The following ADGRL1 variants were observed in gnomAD, a reference collection of about 807,000 sequenced individuals.
ADGRL1 encodes the protein CIRL-1.
A neutral mutation model predicts 148.9 loss-of-function variants in ADGRL1; 31 were observed. That is an observed-to-expected ratio of 0.21 (90% CI 0.16 to 0.28). The LOEUF is 0.28. Ranked by LOEUF, ADGRL1 falls within the 10% of genes least tolerant of loss-of-function variation. The pLI is 1.00. For missense variants in ADGRL1, 1,521 were observed against 2,058.8 expected (o/e 0.74, Z 5.05); for synonymous variants, 937 against 900.3 (o/e 1.04, Z -0.73).
At chr19:14,186,713 T>C (rs1161232857) in intron 1 of ADGRL1, among the ~76,000 whole-genome samples, 10 of 152,144 alleles carry the variant, frequency 6.6e-5, no homozygotes, top group Non-Finnish European at 1.5e-4. Context: ...GGGGTCTCAG[T>C]TCCTCACTAG....
chr19:14,184,641 TA>T (rs1164771002), intron 1 of ADGRL1, among the ~76,000 whole-genome samples: 7,940 of 136,864 alleles, frequency 0.058, 665 homozygotes, highest in African/African-American at 0.15. Context: ...TTTATTTATT[TA>T]TTTATTTTTT....
At chr19:14,153,317 A>G (rs1052340804) in intron 18 of ADGRL1, among the ~76,000 whole-genome samples, 4 of 152,140 alleles carry the variant, frequency 2.6e-5, no homozygotes, top group African/African-American at 9.7e-5. Context: ...AGATGAAAAT[A>G]TAAATATGCA....
At chr19:14,190,814 G>A (rs1257280760) in intron 1 of ADGRL1, among the ~76,000 whole-genome samples, 3 of 152,122 alleles carry the variant, frequency 2.0e-5, no homozygotes, top group Admixed American at 1.3e-4. Context: ...TTGGCCGGGC[G>A]CAGTGGCTCA....
Position 14,162,676 on chromosome 19 carries a change from C to T in ADGRL1, c.1125G>A (p.Gln375=). The change falls in exon 5 of 23, where the codon CAG becomes CAA. Residue 375 remains glutamine (Q), a synonymous_variant. Coordinates refer to ENST00000361434, the MANE Select transcript of ADGRL1 (RefSeq NM_014921.5). The surrounding 1 kb of genome is among the most constrained non-coding windows in gnomAD (Gnocchi z 5.4). ...SSVDYNPRDN[Q]LYVWNNYFVV... ...CGAAATAGTTGTTCCAGACGTACAGCTGGTTGTCGCGAGGGTTGTAGTCAA... is the reference window on the plus strand; with the variant it reads ...CGAAATAGTTGTTCCAGACGTACAGTTGGTTGTCGCGAGGGTTGTAGTCAA... 1 of 1,614,038 alleles carries T rather than the reference C, an allele frequency of 6.2e-7. No individual in the cohort carries two copies. The highest frequency in any genetic ancestry group is 8.5e-7 in the Non-Finnish European group (1 of 1,179,972).
rs1177068721 is a variant in ADGRL1 at position 14,183,613 on chromosome 19, G to A, written c.-11C>T. 12 of 1,566,160 alleles carry A rather than the reference G, an allele frequency of 7.7e-6. No individual in the cohort carries two copies. The highest frequency in any genetic ancestry group is 1.9e-5 in the Admixed American group (1 of 53,264). On this transcript the variant is annotated 5_prime_UTR_variant, in exon 2 of 23. Transcript: ENST00000361434. ...GGCTAGGCGGGCCATGGTGGCAGCC[G>A]GGTGCGTGTCCGGAGCTCTCAGTGG...
At position 14,151,600 on chromosome 19, in the gene ADGRL1, C is replaced by G. The variant is rs1225743627; in HGVS notation, c.3683G>C (p.Gly1228Ala). The change falls in exon 23 of 23, where the codon GGC (glycine) becomes GCC (alanine). Residue 1228 changes from glycine to alanine, a missense_variant. This residue lies in a region of ADGRL1 where 390 missense variants were observed against 375.0 expected (regional missense o/e 1.04). Transcript: ENST00000361434. ...SYREPKHPLG[G>A]REACGMDTLP... is the part of the protein sequence containing the mutation. ...GGTGTCCATGCCACAGGCTTCCCGGCCTCCCAAGGGGTGCTCTGCAGGGCA... is the reference window on the plus strand; with the variant it reads ...GGTGTCCATGCCACAGGCTTCCCGGGCTCCCAAGGGGTGCTCTGCAGGGCA... 1.2e-6 allele frequency: 2 copies of G among 1,602,220 alleles called. No homozygotes were observed. Among genetic ancestry groups the G allele is most frequent in the Non-Finnish European group, 8.5e-7 (1 of 1,178,012 alleles).
In ADGRL1 at chr19:14,183,546, G is replaced by A. The variant is rs1489777570; in HGVS notation, c.57C>T (p.Thr19=). 1 of 1,580,044 alleles carries A rather than the reference G, an allele frequency of 6.3e-7. No homozygotes were observed. Among genetic ancestry groups the A allele is most frequent in the East Asian group, 2.3e-5 (1 of 43,064 alleles). The stretch of plus-strand genomic sequence containing the variant: ...AGCAGCACCTACCTTGGGTGGCCGA[G>A]GTGACCAGGACGGCGGTGACACACA... The part of the protein sequence containing the change: ...WNLCVTAVLV[T]SATQGLSRAG... Residue 19 remains threonine (T), a synonymous_variant, in exon 2 of 23, where the codon ACC becomes ACT. Transcript: ENST00000361434.
chr19:14,165,005 G>A (rs905986322), intron 4 of ADGRL1, among the ~76,000 whole-genome samples: 2 of 152,262 alleles, frequency 1.3e-5, no homozygotes, highest in Non-Finnish European at 2.9e-5. Flanking sequence ...AGCTGGCCCC[G>A]AGGGGATCGG....
At chr19:14,167,431 C>T (rs943301646) in intron 4 of ADGRL1, among the ~76,000 whole-genome samples, 2 of 150,970 alleles carry the variant, frequency 1.3e-5, no homozygotes, top group African/African-American at 2.4e-5. Context: ...AGGTGGGCTC[C>T]GGTCAGAGGG....
chr19:14,191,967 G>A (rs539821155), intron 1 of ADGRL1, among the ~76,000 whole-genome samples: 1 of 152,122 alleles, frequency 6.6e-6, no homozygotes, highest in East Asian at 1.9e-4. Flanking sequence ...CAAAGTGCTG[G>A]GATTACAGGC....
rs770909600 is a variant in ADGRL1 at position 14,177,602 on chromosome 19, G to A, written c.213C>T (p.Cys71=). The change falls in exon 3 of 23, where the codon TGC becomes TGT. Residue 71 remains cysteine (C), a synonymous_variant. Coordinates refer to ENST00000361434, the MANE Select transcript of ADGRL1 (RefSeq NM_014921.5). The part of the protein sequence containing the change: ...ANYGRTDDKI[C]DADPFQMENV... ...TCTCCATCTGGAAAGGGTCAGCATC[G>A]CAAATCTTGTCGTCCGTGCGCCCGT... is the stretch of plus-strand genomic sequence containing the variant. 22 of 1,614,122 alleles carry A rather than the reference G, an allele frequency of 1.4e-5. No individual in the cohort carries two copies. Among genetic ancestry groups the A allele is most frequent in the South Asian group, 1.3e-4 (12 of 91,092 alleles).
Position 14,157,225 on chromosome 19 carries a change from T to A in ADGRL1, c.2745+26A>T. 1 of 1,613,682 alleles carries A rather than the reference T, an allele frequency of 6.2e-7. No homozygotes were observed. Among genetic ancestry groups the A allele is most frequent in the Non-Finnish European group, 8.5e-7 (1 of 1,179,794 alleles). On this transcript the variant is annotated intron_variant, in intron 14 of 22. Transcript: ENST00000361434. The surrounding 1 kb of genome is among the most constrained non-coding windows in gnomAD (Gnocchi z 7.5). The stretch of plus-strand genomic sequence containing the variant: ...TCTCCCGGCCCCCAGGCGCTGGCCG[T>A]CACCTGCCCTAGAGTCCCAGCCCAC...
At chr19:14,178,975 G>A (rs1971008208) in intron 2 of ADGRL1, among the ~76,000 whole-genome samples, 1 of 151,920 alleles carries the variant, frequency 6.6e-6, no homozygotes, top group Admixed American at 6.6e-5. Context: ...CCTGAGGTCA[G>A]GAGTTTGAGA....
At chr19:14,180,325 A>G (rs139766412) in intron 2 of ADGRL1, among the ~76,000 whole-genome samples, 8,918 of 152,104 alleles carry the variant, frequency 0.059, 451 homozygotes, top group Non-Finnish European at 0.083. Flanking sequence ...GCGCGATCTC[A>G]GCTCACTGCA....
Position 14,161,447 on chromosome 19 carries a change from T to C in ADGRL1, c.1375A>G (p.Thr459Ala). 1 of 1,455,176 alleles carries C rather than the reference T, an allele frequency of 6.9e-7. No individual in the cohort carries two copies. Among genetic ancestry groups the C allele is most frequent in the Non-Finnish European group, 9.1e-7 (1 of 1,103,644 alleles). The allele number at this position is 1,455,176 out of a possible 1,614,324, so 90.1% of individuals were successfully genotyped here. A position where few individuals can be genotyped will look rare whatever the true frequency, so the allele number is the denominator to read the frequency against. Residue 459 changes from threonine to alanine, a missense_variant, in exon 6 of 23, where the codon ACC becomes GCC. By Grantham distance (58) the Thr-to-Ala change is moderately conservative. This residue lies in a region of ADGRL1 where 270 missense variants were observed against 320.4 expected (regional missense o/e 0.84). Transcript: ENST00000361434. This position sits in a 1 kb window ranked among gnomAD's most constrained non-coding sequence, Gnocchi z 4.4. ...LPPATAPVPSTRRPPAPNLHV... is the reference protein window; with the variant it reads ...LPPATAPVPSARRPPAPNLHV... ...AGATTCGGGGCTGGGGGCCGCCGGG[T>C]GCTGGGGACTGGGGCTGTGGCTGGA...
At chr19:14,183,400 C>T (rs749580509) in intron 2 of ADGRL1, 133 bp downstream of exon 2, 329 of 809,688 alleles carry the variant, frequency 4.1e-4, no homozygotes, top group Non-Finnish European at 5.6e-4. Flanking sequence ...CTGGCCTGCT[C>T]CAGCTGAGGT....
chr19:14,195,727 C>G (rs1001206313), intron 1 of ADGRL1, among the ~76,000 whole-genome samples: 3 of 152,192 alleles, frequency 2.0e-5, no homozygotes, highest in African/African-American at 7.2e-5. Flanking sequence ...GAATTTCAAT[C>G]TGCTGTGTAG....
Position 14,152,061 on chromosome 19 carries a change from G to C in ADGRL1, c.3667+72C>G, listed in dbSNP as rs1303972722. On this transcript the variant is annotated intron_variant, in intron 22 of 22. Transcript: ENST00000361434. The surrounding 1 kb of genome is among the most constrained non-coding windows in gnomAD (Gnocchi z 6.1). ...ATCCCGAGTTCTCCTCCTTAAGTGA[G>C]GCCGTCTGAGAAGGCCACTGTCTGT... The C allele has an allele frequency of 7.0e-7, 1 of 1,432,970 alleles. No individual in the cohort carries two copies. Among genetic ancestry groups the C allele is most frequent in the African/African-American group, 1.4e-5 (1 of 71,282 alleles). 88.8% of individuals were successfully genotyped at this position (1,432,970 alleles called of 1,614,324 possible).
chr19:14,149,917 CTTTTCTTTTTTTTTTT>C lies in ADGRL1; in HGVS notation c.*940_*955del, dbSNP rs942371201. 1 of 136,744 alleles carries C rather than the reference CTTTTCTTTTTTTTTTT, an allele frequency of 7.3e-6. No homozygotes were observed. The highest frequency in any genetic ancestry group is 2.7e-5 in the African/African-American group (1 of 37,724). The allele number at this position is 136,744 out of a possible 1,614,324, so 8.5% of individuals were successfully genotyped here. ...GGCTTCAAGTGATGAGATTTTTTTT[CTTTTCTTTTTTTTTTT>C]TTTTGTCTTTTTTTTTTCTTTTCCA... On this transcript the variant is annotated 3_prime_UTR_variant, in exon 23 of 23. Transcript: ENST00000361434.
Sources: gnomAD v4.1 joint callset for allele counts (sites outside exome capture counted in the v4.1 genomes callset) on GRCh38, gnomAD v4.1.1 for gene constraint, gnomAD v4.1.1 regional missense constraint, Gnocchi (gnomAD v3.1) non-coding constraint, MANE v1.5 for transcripts, NCBI Gene and HGNC (gene_info 2026-07-23, HGNC 2026-07-21) for gene names.